The following SEMA3D variants were observed in gnomAD, a reference collection of about 807,000 sequenced individuals.
SEMA3D encodes the protein semaphorin-3D.
SEMA3D carries 84 observed loss-of-function variants against 100.1 expected under a neutral mutation model. The observed-to-expected ratio is 0.84, with a 90% CI of 0.70 to 1.01. SEMA3D has a LOEUF of 1.01. Among genes scored for constraint, SEMA3D ranks in the 50% least tolerant of loss-of-function variants. SEMA3D has a pLI of 0.00. For synonymous variants in SEMA3D, 312 were observed against 320.7 expected (o/e 0.97, Z 0.29); for missense variants, 875 against 934.1 (o/e 0.94, Z 0.82).
chr7:85,075,556 C>A (rs1791899192), intron 5 of SEMA3D, among the ~76,000 whole-genome samples: 1 of 152,020 alleles, frequency 6.6e-6, no homozygotes, highest in African/African-American at 2.4e-5. Flanking sequence ...AGGCATACCT[C>A]AGATTAATTT....
chr7:85,210,663 A>G, the SEMA3D span, among the ~76,000 whole-genome samples: 1 of 152,046 alleles, frequency 6.6e-6, no homozygotes, highest in Non-Finnish European at 1.5e-5. Flanking sequence ...AGCATTCACT[A>G]GAATTAAAGA....
At chr7:85,035,186 T>G (rs977306579) in intron 12 of SEMA3D, among the ~76,000 whole-genome samples, 1 of 151,406 alleles carries the variant, frequency 6.6e-6, no homozygotes, top group Admixed American at 6.6e-5. Flanking sequence ...CCTATATACA[T>G]ATATATGAGA....
chr7:85,115,237 G>C (rs1789204597), intron 3 of SEMA3D, among the ~76,000 whole-genome samples: 2 of 152,068 alleles, frequency 1.3e-5, no homozygotes, highest in Admixed American at 1.3e-4. Context: ...AGTAGACTGG[G>C]GTTGACTCAG....
the SEMA3D span, among the ~76,000 whole-genome samples, chr7:85,222,282 A>T: frequency 2.0e-5 from 3 of 149,086 alleles, no homozygotes; most frequent in Non-Finnish European, 4.4e-5. Flanking sequence ...GGAATTTTGC[A>T]TTTAAATTTC....
the SEMA3D span, among the ~76,000 whole-genome samples, chr7:85,196,595 A>G: frequency 6.6e-6 from 1 of 152,096 alleles, no homozygotes; most frequent in African/African-American, 2.4e-5. Context: ...TATGTAAAGG[A>G]TTTACTTGAA....
chr7:85,045,863 A>C (rs1199458302), intron 9 of SEMA3D, among the ~76,000 whole-genome samples: 1 of 151,886 alleles, frequency 6.6e-6, no homozygotes, highest in Non-Finnish European at 1.5e-5. Flanking sequence ...TCTAATCTTT[A>C]CATTTTTTTA....
intron 2 of SEMA3D, chr7:85,142,652 G>C: frequency 1.0e-6 from 1 of 970,138 alleles, no homozygotes; most frequent in Non-Finnish European, 1.2e-6. Flanking sequence ...AGATTCTTTA[G>C]AAGAAAGCAA....
intron 1 of SEMA3D, among the ~76,000 whole-genome samples, chr7:85,162,378 T>C (rs1234251142): frequency 6.6e-6 from 1 of 152,124 alleles, no homozygotes; most frequent in Non-Finnish European, 1.5e-5. Context: ...TTGGGAATCA[T>C]TAAAAGTGAA....
chr7:85,170,922 G>T (rs1052893283), intron 1 of SEMA3D, among the ~76,000 whole-genome samples: 1 of 151,922 alleles, frequency 6.6e-6, no homozygotes, highest in Admixed American at 6.6e-5. Flanking sequence ...ATGGTGTCAG[G>T]CACCAGAATA....
intron 4 of SEMA3D, among the ~76,000 whole-genome samples, chr7:85,094,517 C>A (rs1583916197): frequency 6.6e-6 from 1 of 152,012 alleles, no homozygotes. Context: ...TTGCCTAATA[C>A]TGCTTCCTAG....
chr7:85,191,866 G>T (rs1791699555), upstream of SEMA3D, among the ~76,000 whole-genome samples: 1 of 152,108 alleles, frequency 6.6e-6, no homozygotes, highest in South Asian at 2.1e-4. Flanking sequence ...AAATGCATTA[G>T]ATAGAGTTTC....
chr7:85,230,796 T>C, the SEMA3D span, among the ~76,000 whole-genome samples: 102 of 152,326 alleles, frequency 6.7e-4, no homozygotes, highest in African/African-American at 2.3e-3. Flanking sequence ...TACTTCCTCA[T>C]GCAACCGTTA....
chr7:85,084,248 G>T (rs1304002557), intron 4 of SEMA3D, among the ~76,000 whole-genome samples: 1 of 151,814 alleles, frequency 6.6e-6, no homozygotes, highest in African/African-American at 2.4e-5. Flanking sequence ...CCCTCCACTG[G>T]TCCAATTTTA....
intron 2 of SEMA3D, among the ~76,000 whole-genome samples, chr7:85,135,714 A>G (rs1387024906): frequency 6.6e-6 from 1 of 150,786 alleles, no homozygotes; most frequent in Non-Finnish European, 1.5e-5. Context: ...GAAAAAATTA[A>G]TTAGAAAAAA....
chr7:85,143,271 A>G, intron 2 of SEMA3D: 1 of 495,312 alleles, frequency 2.0e-6, no homozygotes. Context: ...CAGTGATTTC[A>G]AAGTGATTAA....
At chr7:85,130,164 G>A (rs151191608) in intron 2 of SEMA3D, among the ~76,000 whole-genome samples, 46 of 152,126 alleles carry the variant, frequency 3.0e-4, no homozygotes, top group African/African-American at 1.0e-3. Context: ...CATCACATGT[G>A]GAATTTAGGA....
intron 1 of SEMA3D, among the ~76,000 whole-genome samples, chr7:85,181,410 G>A (rs1344677644): frequency 6.6e-6 from 1 of 151,712 alleles, no homozygotes; most frequent in African/African-American, 2.4e-5. Flanking sequence ...AATTGAAAGA[G>A]CTCCCAGAGG....
chr7:85,151,538 A>C, intron 2 of SEMA3D: 1 of 687,136 alleles, frequency 1.5e-6, no homozygotes, highest in Non-Finnish European at 1.8e-6. Context: ...TAGACAATAT[A>C]TATTTCTATG....
chr7:85,081,103 T>C (rs1315040528), intron 5 of SEMA3D, among the ~76,000 whole-genome samples: 2 of 152,172 alleles, frequency 1.3e-5, no homozygotes, highest in African/African-American at 4.8e-5. Context: ...TTGAACTCAG[T>C]TGAAATTATG....
Sources: allele counts gnomAD v4.1 joint callset (sites outside exome capture counted in the v4.1 genomes callset), GRCh38; gene constraint gnomAD v4.1.1; transcripts MANE v1.5; gene names NCBI Gene and HGNC (gene_info 2026-07-23, HGNC 2026-07-21).